SMPX: variants seen among roughly 807,000 people sequenced by gnomAD.
SMPX encodes the protein small muscular protein.
Under a neutral mutation model 6.3 loss-of-function variants are expected in SMPX, and 2 were observed. The ratio of observed to expected loss-of-function variants is 0.32; its 90% CI spans 0.13 to 0.99. The LOEUF is 0.99. Ranked by LOEUF, SMPX falls within the 50% of genes least tolerant of loss-of-function variation. The pLI, the probability that SMPX is intolerant of heterozygous loss-of-function variation, is 0.49. For synonymous variants in SMPX, 32 were observed against 24.7 expected, an observed-to-expected ratio of 1.30 and a Z score of -0.88; for missense variants, 60 against 66.8, an observed-to-expected ratio of 0.90 and a Z score of 0.36.
chrX:21,731,452 CATA>C (rs1377726705), intron 4 of SMPX, among the ~76,000 whole-genome samples: 2 of 88,855 alleles, frequency 2.3e-5, no homozygotes, highest in African/African-American at 4.1e-5. Context: ...TACACATACA[CATA>C]ATGTGTGTAT....
intron 4 of SMPX, among the ~76,000 whole-genome samples, chrX:21,724,397 T>A (rs954715644): frequency 8.9e-6 from 1 of 112,714 alleles, no homozygotes; most frequent in Non-Finnish European, 1.9e-5. Context: ...TATGTTTGTA[T>A]GTGTATAAAG....
chrX:21,708,330 T>A (rs913067726), intron 4 of SMPX, among the ~76,000 whole-genome samples: 1 of 112,293 alleles, frequency 8.9e-6, no homozygotes, highest in Non-Finnish European at 1.9e-5. Context: ...GGGGGAGCCA[T>A]GGGACCCAGT....
chrX:21,752,321 C>T (rs1396492733), intron 2 of SMPX, among the ~76,000 whole-genome samples: 2 of 110,957 alleles, frequency 1.8e-5, no homozygotes, highest in Admixed American at 9.5e-5. Context: ...AAAGACAACC[C>T]GAGAGAAGAC....
chrX:21,728,357 A>C (rs1183007340), intron 4 of SMPX, among the ~76,000 whole-genome samples: 1 of 109,393 alleles, frequency 9.1e-6, no homozygotes, highest in Non-Finnish European at 1.9e-5. Flanking sequence ...CTTCCATGCA[A>C]TGTTTTGCCC....
At chrX:21,744,852 C>T (rs1297518675) in intron 2 of SMPX, among the ~76,000 whole-genome samples, 2 of 111,926 alleles carry the variant, frequency 1.8e-5, no homozygotes, top group East Asian at 5.6e-4. Context: ...TATCTTATGA[C>T]ATGGATTGTA....
chrX:21,731,734 A>T (rs2092805212), intron 4 of SMPX, among the ~76,000 whole-genome samples: 1 of 98,755 alleles, frequency 1.0e-5, no homozygotes, highest in African/African-American at 3.8e-5. Flanking sequence ...ATTAATGTGT[A>T]TATGTGTATA....
intron 3 of SMPX, among the ~76,000 whole-genome samples, chrX:21,741,038 T>C (rs764175672): frequency 8.9e-6 from 1 of 112,099 alleles, no homozygotes; most frequent in Non-Finnish European, 1.9e-5. Flanking sequence ...TGCCCATCTG[T>C]GGCTGGGCCA....
chrX:21,716,473 C>T (rs1431115423), intron 4 of SMPX, among the ~76,000 whole-genome samples: 1 of 112,047 alleles, frequency 8.9e-6, no homozygotes. Context: ...CAACGTGAAC[C>T]CCAGTGTTCC....
intron 4 of SMPX, among the ~76,000 whole-genome samples, chrX:21,735,780 A>G (rs1324947471): frequency 8.9e-6 from 1 of 112,149 alleles, no homozygotes; most frequent in Non-Finnish European, 1.9e-5. Context: ...GATAATAAAT[A>G]TTACCAAAAG....
At chrX:21,744,247 G>A (rs1293583981) in intron 2 of SMPX, among the ~76,000 whole-genome samples, 1 of 111,335 alleles carries the variant, frequency 9.0e-6, no homozygotes, top group Non-Finnish European at 1.9e-5. Context: ...CCCTCCTTCC[G>A]GTCCCTTCAA....
At chrX:21,729,955 G>A (rs2092801496) in intron 4 of SMPX, among the ~76,000 whole-genome samples, 2 of 112,038 alleles carry the variant, frequency 1.8e-5, no homozygotes, top group Non-Finnish European at 3.8e-5. Context: ...TGCCAGCCAG[G>A]AAAACAAATG....
chrX:21,735,668 C>T (rs1207367277), intron 4 of SMPX, among the ~76,000 whole-genome samples: 1 of 112,151 alleles, frequency 8.9e-6, no homozygotes, highest in Non-Finnish European at 1.9e-5. Flanking sequence ...GGAACTGGAA[C>T]TGAGGTTAAA....
intron 4 of SMPX, among the ~76,000 whole-genome samples, chrX:21,715,297 TGTGTGTGC>T (rs1411574610): frequency 1.9e-4 from 19 of 97,442 alleles, no homozygotes; most frequent in African/African-American, 8.5e-4. Context: ...TGTGTGTGTG[TGTGTGTGC>T]GCGCACGCGC....
In SMPX at chrX:21,706,213, T is replaced by C; in HGVS notation, c.*196A>G. ...TTATGGGCTAATTTGTTCTGTGAGG[T>C]GCCAAAAATGAAGATAAAGTAAGAA... On this transcript the variant is annotated 3_prime_UTR_variant, in exon 5 of 5. Coordinates refer to ENST00000379494, the MANE Select transcript of SMPX (RefSeq NM_014332.3). 1 of 508,864 alleles carries C rather than the reference T, an allele frequency of 2.0e-6. No homozygotes were observed. Among genetic ancestry groups the C allele is most frequent in the African/African-American group, 2.3e-5 (1 of 43,633 alleles). The allele number at this position is 508,864 out of a possible 1,213,427, so 41.9% of individuals were successfully genotyped here.
intron 4 of SMPX, among the ~76,000 whole-genome samples, chrX:21,732,871 A>G (rs1160308684): frequency 9.0e-6 from 1 of 111,028 alleles, no homozygotes; most frequent in Non-Finnish European, 1.9e-5. Context: ...TGGGGTCCCC[A>G]TGATAGAATT....
In SMPX at chrX:21,731,689, TGTACACATAA is replaced by T. The variant is rs768992972; in HGVS notation, c.*14+5850_*14+5859del. On this transcript the variant is annotated intron_variant, in intron 4 of 4. Coordinates refer to ENST00000379494, the MANE Select transcript of SMPX (RefSeq NM_014332.3). The stretch of plus-strand genomic sequence containing the variant: ...GTATGTGTACACATTAATGTGTACA[TGTACACATAA>T]ATGTGTATATGTGTATATGTACACA... Among the ~76,000 whole-genome samples, 155 of 77,143 alleles carry T rather than the reference TGTACACATAA, an allele frequency of 2.0e-3. 1 individual carries two copies. The highest frequency in any genetic ancestry group is 2.5e-3 in the Non-Finnish European group (105 of 41,983). 67.0% of individuals were successfully genotyped at this position (77,143 alleles called of 115,157 possible).
chrX:21,748,526 C>A (rs1451258494), intron 2 of SMPX, among the ~76,000 whole-genome samples: 1 of 111,563 alleles, frequency 9.0e-6, no homozygotes, highest in Non-Finnish European at 1.9e-5. Context: ...AAAATGACAT[C>A]TTTTTGCAAG....
intron 2 of SMPX, among the ~76,000 whole-genome samples, chrX:21,747,353 T>G (rs962129087): frequency 9.0e-6 from 1 of 111,507 alleles, no homozygotes; most frequent in African/African-American, 3.3e-5. Flanking sequence ...ATCCTCCAAG[T>G]TGGGAATGGA....
intron 2 of SMPX, among the ~76,000 whole-genome samples, chrX:21,744,099 G>A (rs2092818949): frequency 2.7e-5 from 3 of 111,811 alleles, no homozygotes; most frequent in African/African-American, 9.8e-5. Context: ...CCTGTTGGAT[G>A]GCAGAATTTG....
Sources: allele counts gnomAD v4.1 joint callset (sites outside exome capture counted in the v4.1 genomes callset), GRCh38; gene constraint gnomAD v4.1.1; transcripts MANE v1.5; gene names NCBI Gene and HGNC (gene_info 2026-07-23, HGNC 2026-07-21).